Variants in NRG2 observed in about 807,000 individuals in gnomAD.
The protein encoded by NRG2 is neuregulin 2, also known as pro-neuregulin-2, membrane-bound isoform.
NRG2 carries 27 observed loss-of-function variants against 73.9 expected under a neutral mutation model. That is an observed-to-expected ratio of 0.37 (90% CI 0.27 to 0.50). NRG2 has a LOEUF of 0.50. Among genes scored for constraint, NRG2 ranks in the 20% least tolerant of loss-of-function variants. The pLI is 0.96. For missense variants in NRG2, 1,126 were observed against 1,210.1 expected (o/e 0.93, Z 1.03); for synonymous variants, 532 against 541.0 (o/e 0.98, Z 0.23).
At chr5:140,039,385 C>T (rs1761743997) in intron 1 of NRG2, among the ~76,000 whole-genome samples, 1 of 152,146 alleles carries the variant, frequency 6.6e-6, no homozygotes, top group Admixed American at 6.5e-5. Context: ...CAGAAAACAC[C>T]TCCCTCCATA....
intron 1 of NRG2, among the ~76,000 whole-genome samples, chr5:139,935,972 A>AAAG (rs1161552780): frequency 9.9e-5 from 15 of 151,478 alleles, no homozygotes; most frequent in East Asian, 3.9e-4. Flanking sequence ...AAAAAAAAAA[A>AAAG]AAAGAAAGAA....
intron 1 of NRG2, among the ~76,000 whole-genome samples, chr5:140,041,151 T>C (rs1014507274): frequency 3.9e-5 from 6 of 152,238 alleles, no homozygotes; most frequent in African/African-American, 1.4e-4. Flanking sequence ...ACAAAGCCTG[T>C]CTACACTACC....
intron 1 of NRG2, among the ~76,000 whole-genome samples, chr5:139,983,309 C>T (rs1387264633): frequency 6.6e-6 from 1 of 152,170 alleles, no homozygotes; most frequent in African/African-American, 2.4e-5. Flanking sequence ...CACCCAGGGT[C>T]ACATGAGAAA....
rs777460997 is a variant in NRG2, at chr5:139,851,816, C to T, written c.1560G>A (p.Thr520=). 3.7e-6 allele frequency: 6 copies of T among 1,614,174 alleles called. No homozygotes were observed. Among genetic ancestry groups the T allele is most frequent in the African/African-American group, 2.7e-5 (2 of 75,064 alleles). The change falls in exon 9 of 10, where the codon ACG becomes ACA. Residue 520 remains threonine (T), a synonymous_variant. Transcript: ENST00000361474. This position sits in a 1 kb window ranked among gnomAD's most constrained non-coding sequence, Gnocchi z 4.2. ...GGCTCTCAGAACGTTCCAGGCTCCA[C>T]GTGTGGCTCTCGTGTCTGGGAAGGC... is the stretch of plus-strand genomic sequence containing the variant. The part of the protein sequence containing the change: ...PTSSHRHESH[T]WSLERSESLT...
In NRG2 at chr5:139,865,504, A is replaced by G; in HGVS notation, c.1189+45T>C. 1.3e-6 allele frequency: 2 copies of G among 1,513,598 alleles called. No homozygotes were observed. Among genetic ancestry groups the G allele is most frequent in the Non-Finnish European group, 1.8e-6 (2 of 1,091,610 alleles). 93.8% of individuals were successfully genotyped at this position (1,513,598 alleles called of 1,614,324 possible). On this transcript the variant is annotated intron_variant, in intron 5 of 9. Coordinates refer to ENST00000361474, the MANE Select transcript of NRG2 (RefSeq NM_004883.3). The surrounding 1 kb of genome is among the most constrained non-coding windows in gnomAD (Gnocchi z 5.2). ...CTACATTGGGGGGACTGCACCCAGA[A>G]GCTTTCTAAGGAGCAGGGACTTGTG...
In NRG2 at chr5:139,894,075, G is replaced by A. The variant is rs1324758757; in HGVS notation, c.701-6564C>T. 1.3e-5 allele frequency among the ~76,000 whole-genome samples: 2 copies of A among 152,218 alleles called. No individual in the cohort carries two copies. Among genetic ancestry groups the A allele is most frequent in the Non-Finnish European group, 2.9e-5 (2 of 68,030 alleles). ...CCTGAGACCAGGGGGTGCCGCTGCTGCCAGCAGCTTAACCTCATTCCTCTC... is the reference window on the plus strand; with the variant it reads ...CCTGAGACCAGGGGGTGCCGCTGCTACCAGCAGCTTAACCTCATTCCTCTC... On this transcript the variant is annotated intron_variant, in intron 1 of 9. Transcript: ENST00000361474. This position sits in a 1 kb window ranked among gnomAD's most constrained non-coding sequence, Gnocchi z 5.0.
At position 139,993,464 on chromosome 5, in the gene NRG2, A is replaced by G. The variant is rs1025600416; in HGVS notation, c.700+48906T>C. On this transcript the variant is annotated intron_variant, in intron 1 of 9. Transcript: ENST00000361474. Reference sequence around the variant, plus strand: ...TGGAATGCTTTTTCCTAATCTTTACATGGGAGCTCGCTAGTATCGTTAAAG... The same window carrying G: ...TGGAATGCTTTTTCCTAATCTTTACGTGGGAGCTCGCTAGTATCGTTAAAG... Among the ~76,000 whole-genome samples, 10 of 152,140 alleles carry G rather than the reference A, an allele frequency of 6.6e-5. 1 individual carries two copies. The highest frequency in any genetic ancestry group is 2.4e-4 in the African/African-American group (10 of 41,428).
intron 1 of NRG2, among the ~76,000 whole-genome samples, chr5:139,958,590 T>C (rs1396149183): frequency 6.6e-6 from 1 of 152,198 alleles, no homozygotes; most frequent in Non-Finnish European, 1.5e-5. Context: ...TTTTTTACTC[T>C]ATCTTTCCAA....
chr5:139,984,134 A>G (rs1757002240), intron 1 of NRG2, among the ~76,000 whole-genome samples: 1 of 152,124 alleles, frequency 6.6e-6, no homozygotes, highest in Non-Finnish European at 1.5e-5. Context: ...TGGCACAGTA[A>G]TCTCAGTTCT....
At chr5:140,027,426 C>T (rs1245174908) in intron 1 of NRG2, among the ~76,000 whole-genome samples, 1 of 152,126 alleles carries the variant, frequency 6.6e-6, no homozygotes, top group Non-Finnish European at 1.5e-5. Flanking sequence ...GATTCGTGGG[C>T]GTGGCTTTTG....
At chr5:140,011,207 CAT>C (rs1247805435) in intron 1 of NRG2, among the ~76,000 whole-genome samples, 10 of 152,244 alleles carry the variant, frequency 6.6e-5, no homozygotes, top group African/African-American at 2.4e-4. Context: ...ACTTTGGACA[CAT>C]AGTACATTTG....
chr5:139,926,530 C>A (rs565836162), intron 1 of NRG2, among the ~76,000 whole-genome samples: 1 of 152,236 alleles, frequency 6.6e-6, no homozygotes, highest in South Asian at 2.1e-4. Flanking sequence ...TGATGCTATG[C>A]TTATGGCCTC....
intron 3 of NRG2, 92 bp downstream of exon 3, chr5:139,880,764 A>G: frequency 1.1e-6 from 1 of 879,450 alleles, no homozygotes; most frequent in Non-Finnish European, 1.8e-6. Context: ...TGAGTGCGAG[A>G]TGGATCACAT....
At chr5:140,006,275 C>T (rs368835509) in intron 1 of NRG2, among the ~76,000 whole-genome samples, 1 of 152,196 alleles carries the variant, frequency 6.6e-6, no homozygotes, top group Non-Finnish European at 1.5e-5. Context: ...TGTTCAGCTT[C>T]GGTAGAAGCC....
At chr5:139,909,486 GC>G (rs1439095562) in intron 1 of NRG2, among the ~76,000 whole-genome samples, 1 of 152,204 alleles carries the variant, frequency 6.6e-6, no homozygotes, top group Non-Finnish European at 1.5e-5. Context: ...ATTAGGGAGA[GC>G]CTTAAGCAGT....
chr5:140,037,748 A>C (rs1761611095), intron 1 of NRG2, among the ~76,000 whole-genome samples: 2 of 151,774 alleles, frequency 1.3e-5, no homozygotes, highest in East Asian at 1.9e-4. Context: ...TCTCTACTAA[A>C]AATACAAAAA....
At chr5:140,024,891 G>A (rs1404006259) in intron 1 of NRG2, among the ~76,000 whole-genome samples, 1 of 152,194 alleles carries the variant, frequency 6.6e-6, no homozygotes, top group African/African-American at 2.4e-5. Context: ...AACCCATGCA[G>A]TCTCTATATT....
chr5:139,937,325 G>A (rs954937217), intron 1 of NRG2, among the ~76,000 whole-genome samples: 1 of 152,158 alleles, frequency 6.6e-6, no homozygotes, highest in African/African-American at 2.4e-5. Context: ...CCCTCGATCT[G>A]ATAAAAGGCA....
chr5:139,887,230 C>A lies in NRG2; in HGVS notation c.872+110G>T. 1 of 1,299,636 alleles carries A rather than the reference C, an allele frequency of 7.7e-7. No homozygotes were observed. The highest frequency in any genetic ancestry group is 1.1e-6 in the Non-Finnish European group (1 of 917,562). 80.5% of individuals were successfully genotyped at this position (1,299,636 alleles called of 1,614,324 possible). ...TATGGAGAGGGGCTGGGACTGGTTC[C>A]ATGGGTGAGTCTGGGGGCACAGCCC... On this transcript the variant is annotated intron_variant, in intron 2 of 9. Transcript: ENST00000361474. The surrounding 1 kb of genome is among the most constrained non-coding windows in gnomAD (Gnocchi z 4.5).
Sources: allele counts gnomAD v4.1 joint callset (sites outside exome capture counted in the v4.1 genomes callset), GRCh38; gene constraint gnomAD v4.1.1; non-coding constraint Gnocchi (gnomAD v3.1); transcripts MANE v1.5; gene names NCBI Gene and HGNC (gene_info 2026-07-23, HGNC 2026-07-21).